Variants in CDH4 observed in about 807,000 individuals in gnomAD.
CDH4 encodes cadherin 4, also known as cadherin-4.
A neutral mutation model predicts 86.0 loss-of-function variants in CDH4; 33 were observed. That is an observed-to-expected ratio of 0.38 (90% CI 0.29 to 0.51). CDH4 has a LOEUF of 0.51. CDH4 is among the 20% of genes least tolerant of loss of function. The pLI is 0.86. For missense variants in CDH4, 1,114 were observed against 1,307.4 expected (o/e 0.85, Z 2.28); for synonymous variants, 555 against 549.4 (o/e 1.01, Z -0.14).
At chr20:61,918,907 G>A (rs1249787607) in intron 9 of CDH4, among the ~76,000 whole-genome samples, 1 of 152,156 alleles carries the variant, frequency 6.6e-6, no homozygotes, top group African/African-American at 2.4e-5. Flanking sequence ...GTCTTACTCT[G>A]TTGCCCAGGC....
chr20:61,865,354 G>T (rs1476514136), intron 6 of CDH4, among the ~76,000 whole-genome samples: 2 of 151,752 alleles, frequency 1.3e-5, no homozygotes, highest in Non-Finnish European at 2.9e-5. Context: ...TAGATAATGG[G>T]CTGGCTTCCT....
chr20:61,292,697 C>A (rs998261551), intron 2 of CDH4, among the ~76,000 whole-genome samples: 1 of 152,256 alleles, frequency 6.6e-6, no homozygotes, highest in African/African-American at 2.4e-5. Context: ...AGCGCACTCA[C>A]GCCCTTATGC....
At chr20:61,495,825 C>A (rs898227211) in intron 2 of CDH4, among the ~76,000 whole-genome samples, 5 of 148,228 alleles carry the variant, frequency 3.4e-5, no homozygotes, top group African/African-American at 7.5e-5. Flanking sequence ...ATCATTTGAA[C>A]TCAGGTGGTG....
chr20:61,649,520 C>A (rs780533312), intron 2 of CDH4, among the ~76,000 whole-genome samples: 1 of 152,218 alleles, frequency 6.6e-6, no homozygotes, highest in Non-Finnish European at 1.5e-5. Flanking sequence ...TGAAACTCTC[C>A]TTCGAAAGTG....
At chr20:61,645,813 C>T (rs1453560203) in intron 2 of CDH4, among the ~76,000 whole-genome samples, 1 of 152,030 alleles carries the variant, frequency 6.6e-6, no homozygotes, top group Non-Finnish European at 1.5e-5. Context: ...AGGTAGTTTG[C>T]CCAAGATCAC....
chr20:61,883,361 G>A (rs1208247938), intron 7 of CDH4, among the ~76,000 whole-genome samples: 2 of 152,184 alleles, frequency 1.3e-5, no homozygotes, highest in East Asian at 1.9e-4. Flanking sequence ...TCCAACCTAG[G>A]GCGACGTCTT....
chr20:61,808,713 C>G (rs1287862042), intron 4 of CDH4, among the ~76,000 whole-genome samples: 1 of 152,248 alleles, frequency 6.6e-6, no homozygotes, highest in Non-Finnish European at 1.5e-5. Flanking sequence ...GGGAGCTGCT[C>G]CCGTCCAACC....
At chr20:61,437,893 C>T (rs1233823074) in intron 2 of CDH4, among the ~76,000 whole-genome samples, 1 of 152,182 alleles carries the variant, frequency 6.6e-6, no homozygotes, top group African/African-American at 2.4e-5. Flanking sequence ...GGTCCTTTTC[C>T]ATCCATCCAG....
At position 61,923,462 on chromosome 20, in the gene CDH4, C is replaced by A; in HGVS notation, c.1386C>A (p.Tyr462Ter). Residue 462 changes from tyrosine (Y) to a stop codon, truncating the protein, a stop_gained, in exon 10 of 16, where the codon TAC (tyrosine) becomes TAA (stop). Transcript: ENST00000614565. LOFTEE classifies it high-confidence loss of function. ...ATCTGTTGTTCCAGGCAGTCGACTACGAGCTCAACAGAGCTTTCATGCTGA... is the reference window on the plus strand; with the variant it reads ...ATCTGTTGTTCCAGGCAGTCGACTAAGAGCTCAACAGAGCTTTCATGCTGA... ...GMVTVVKAVD[Y>*]ELNRAFMLTV... 1 of 1,614,154 alleles carries A rather than the reference C, an allele frequency of 6.2e-7. No homozygotes were observed. Among genetic ancestry groups the A allele is most frequent in the Non-Finnish European group, 8.5e-7 (1 of 1,180,020 alleles).
At chr20:61,843,379 A>G (rs1432590470) in intron 4 of CDH4, among the ~76,000 whole-genome samples, 7 of 145,076 alleles carry the variant, frequency 4.8e-5, no homozygotes, top group South Asian at 2.2e-4. Flanking sequence ...GAACCCAGGA[A>G]GCGGAGCTTG....
At position 61,467,627 on chromosome 20, in the gene CDH4, A is replaced by G. The variant is rs549786496; in HGVS notation, c.169+212690A>G. Among the ~76,000 whole-genome samples the G allele has an allele frequency of 7.9e-5, 12 of 152,328 alleles. No homozygotes were observed. The South Asian group carries it at 2.5e-3, about 32-fold the overall frequency. On this transcript the variant is annotated intron_variant, in intron 2 of 15. Transcript: ENST00000614565. The stretch of plus-strand genomic sequence containing the variant: ...ACCATTAACAAATTCTACATAACAT[A>G]ATTACACATGCTGCTGCCCACAAAG...
intron 2 of CDH4, among the ~76,000 whole-genome samples, chr20:61,394,413 A>G (rs1336438338): frequency 6.6e-6 from 1 of 152,188 alleles, no homozygotes; most frequent in African/African-American, 2.4e-5. Context: ...TTGTAAAGAA[A>G]GTCGGTTGTT....
intron 15 of CDH4, among the ~76,000 whole-genome samples, chr20:61,934,533 C>G (rs3827117): frequency 0.25 from 38,610 of 152,084 alleles, 5,030 homozygotes; most frequent in Middle Eastern, 0.35. Flanking sequence ...CAGTAGCAAG[C>G]ACAGGCCTCA....
In CDH4 at chr20:61,701,317, G is replaced by A. The variant is rs554946485; in HGVS notation, c.170-42246G>A. On this transcript the variant is annotated intron_variant, in intron 2 of 15. Coordinates refer to ENST00000614565, the MANE Select transcript of CDH4 (RefSeq NM_001794.5). ...AGTCACATTATGAGATGCTGGGGTGGAATTTCAATGTATGAATTGCAGGGG... is the reference window on the plus strand; with the variant it reads ...AGTCACATTATGAGATGCTGGGGTGAAATTTCAATGTATGAATTGCAGGGG... Among the ~76,000 whole-genome samples the A allele has an allele frequency of 2.6e-5, 4 of 152,342 alleles. No homozygotes were observed. In the South Asian group the frequency reaches 8.3e-4, roughly 32 times the overall value.
rs887489337 is a variant in CDH4 at position 61,459,450 on chromosome 20, G to A, written c.169+204513G>A. 2.6e-5 allele frequency among the ~76,000 whole-genome samples: 4 copies of A among 151,070 alleles called. 1 individual carries two copies. The highest frequency in any genetic ancestry group is 4.4e-5 in the Non-Finnish European group (3 of 67,764). On this transcript the variant is annotated intron_variant, in intron 2 of 15. Coordinates refer to ENST00000614565, the MANE Select transcript of CDH4 (RefSeq NM_001794.5). ...TTCACTGGTCACGTATTGGTATTGT[G>A]TAGGGAGCCAGGGGTGCCTGCGCCC...
At chr20:61,365,500 TC>T (rs1409620559) in intron 2 of CDH4, among the ~76,000 whole-genome samples, 1 of 151,998 alleles carries the variant, frequency 6.6e-6, no homozygotes, top group Non-Finnish European at 1.5e-5. Flanking sequence ...ACTCACTATC[TC>T]CAGAGGACCC....
chr20:61,490,414 A>G (rs2085619388), intron 2 of CDH4, among the ~76,000 whole-genome samples: 1 of 152,148 alleles, frequency 6.6e-6, no homozygotes. Flanking sequence ...AAAAATTGTC[A>G]TGGTGGCCGG....
chr20:61,499,341 G>C (rs6121648), intron 2 of CDH4: 32,553 of 751,802 alleles, frequency 0.043, 796 homozygotes, highest in African/African-American at 0.058. Context: ...CCTCAGTTTC[G>C]CCACCTAGAA....
In CDH4 at chr20:61,362,885, C is replaced by T. The variant is rs143783616; in HGVS notation, c.169+107948C>T. Among the ~76,000 whole-genome samples the T allele has an allele frequency of 4.6e-3, 707 of 152,282 alleles. 2 individuals carry two copies. Among genetic ancestry groups the T allele is most frequent in the African/African-American group, 0.015 (638 of 41,542 alleles). ...ATCATTGGTCCAACTGGGTCTGAGT[C>T]CAAAGATGCCATTCCTAACTTTTCA... On this transcript the variant is annotated intron_variant, in intron 2 of 15. Transcript: ENST00000614565.
Sources: allele counts gnomAD v4.1 joint callset (sites outside exome capture counted in the v4.1 genomes callset), GRCh38; gene constraint gnomAD v4.1.1; transcripts MANE v1.5; gene names NCBI Gene and HGNC (gene_info 2026-07-23, HGNC 2026-07-21).